Variants in LAPTM5 observed in about 807,000 individuals in gnomAD.
The protein encoded by LAPTM5 is lysosomal-associated transmembrane protein 5.
A neutral mutation model predicts 30.1 loss-of-function variants in LAPTM5; 11 were observed. The ratio of observed to expected loss-of-function variants is 0.37; its 90% CI spans 0.23 to 0.60. LAPTM5 has a LOEUF of 0.60. LAPTM5 is among the 20% of genes least tolerant of loss of function. The pLI, the probability that LAPTM5 is intolerant of heterozygous loss-of-function variation, is 0.71. For synonymous variants in LAPTM5, 151 were observed against 137.9 expected, an observed-to-expected ratio of 1.10 and a Z score of -0.67; for missense variants, 324 against 332.5, an observed-to-expected ratio of 0.97 and a Z score of 0.20.
At position 30,741,730 on chromosome 1, in the gene LAPTM5, A is replaced by G; in HGVS notation, c.182-14T>C. 1 of 1,595,310 alleles carries G rather than the reference A, an allele frequency of 6.3e-7. No homozygotes were observed. Among genetic ancestry groups the G allele is most frequent in the Non-Finnish European group, 8.5e-7 (1 of 1,170,372 alleles). The stretch of plus-strand genomic sequence containing the variant: ...AGATCAGGTCAGCTGAAAGGCAAGG[A>G]GAGCAGGGAGGTGCTCAGGGGTGCC... On this transcript the variant is annotated splice_polypyrimidine_tract_variant and intron_variant, in intron 2 of 7. Coordinates refer to ENST00000294507, the MANE Select transcript of LAPTM5 (RefSeq NM_006762.3).
intron 1 of LAPTM5, among the ~76,000 whole-genome samples, chr1:30,756,803 C>T (rs1056909714): frequency 1.3e-5 from 2 of 152,182 alleles, no homozygotes; most frequent in Non-Finnish European, 2.9e-5. Context: ...CCTGAGTCAC[C>T]CCAGGAGGAA....
chr1:30,739,742 C>T lies in LAPTM5; in HGVS notation c.387+67G>A, dbSNP rs1639940252. ...CCTGAGCACAGGGCCCGTGTCTGGT[C>T]CCCTCCCATCTCCCATGCCAGACCT... On this transcript the variant is annotated intron_variant, in intron 4 of 7. Coordinates refer to ENST00000294507, the MANE Select transcript of LAPTM5 (RefSeq NM_006762.3). The surrounding 1 kb of genome is among the most constrained non-coding windows in gnomAD (Gnocchi z 4.2). The T allele has an allele frequency of 2.7e-6, 4 of 1,494,742 alleles. No homozygotes were observed. In the African/African-American group the frequency reaches 5.7e-5, roughly 21 times the overall value. The allele number at this position is 1,494,742 out of a possible 1,614,324, so 92.6% of individuals were successfully genotyped here.
intron 6 of LAPTM5, among the ~76,000 whole-genome samples, chr1:30,736,400 C>T (rs928523444): frequency 1.4e-4 from 22 of 152,030 alleles, no homozygotes; most frequent in African/African-American, 4.6e-4. Flanking sequence ...TGGTGGAGTG[C>T]TTGTCTTCTT....
At chr1:30,752,416 G>A (rs1326929687) in intron 1 of LAPTM5, among the ~76,000 whole-genome samples, 10 of 152,022 alleles carry the variant, frequency 6.6e-5, no homozygotes, top group Non-Finnish European at 1.3e-4. Context: ...GACACACCTC[G>A]TGGCCACCCC....
intron 1 of LAPTM5, among the ~76,000 whole-genome samples, chr1:30,750,245 G>A (rs1640113251): frequency 6.6e-6 from 1 of 152,040 alleles, no homozygotes; most frequent in African/African-American, 2.4e-5. Context: ...TAGATATCTG[G>A]GGAAGCACCC....
chr1:30,742,183 A>C, intron 2 of LAPTM5: 1 of 524,198 alleles, frequency 1.9e-6, no homozygotes, highest in Non-Finnish European at 3.5e-6. Context: ...GGCTTTAAGC[A>C]GAAGAGTGAG....
intron 7 of LAPTM5, 106 bp downstream of exon 7, chr1:30,735,067 T>G (rs1447788448): frequency 1.3e-6 from 1 of 767,574 alleles, no homozygotes; most frequent in African/African-American, 1.7e-5. Context: ...GTTCCAACCC[T>G]CATCTTACAA....
chr1:30,745,552 GCGGCAGGGGA>G (rs1467365205), intron 1 of LAPTM5, among the ~76,000 whole-genome samples: 1 of 152,088 alleles, frequency 6.6e-6, no homozygotes, highest in Non-Finnish European at 1.5e-5. Context: ...CAACAACCCT[GCGGCAGGGGA>G]CGAGGGAGGA....
chr1:30,751,607 C>T (rs988011316), intron 1 of LAPTM5, among the ~76,000 whole-genome samples: 1 of 152,210 alleles, frequency 6.6e-6, no homozygotes, highest in African/African-American at 2.4e-5. Context: ...GGCATGATGG[C>T]ACACACCTGT....
At chr1:30,748,941 T>C (rs917899423) in intron 1 of LAPTM5, among the ~76,000 whole-genome samples, 2 of 152,232 alleles carry the variant, frequency 1.3e-5, no homozygotes, top group Admixed American at 6.5e-5. Flanking sequence ...GAAGAATCCA[T>C]CCACCTCCTG....
intron 1 of LAPTM5, among the ~76,000 whole-genome samples, chr1:30,743,185 G>A (rs1324078611): frequency 1.3e-5 from 2 of 152,202 alleles, no homozygotes; most frequent in African/African-American, 4.8e-5. Flanking sequence ...TAAAGTACCT[G>A]GCAGATAGTA....
intron 6 of LAPTM5, among the ~76,000 whole-genome samples, chr1:30,736,908 A>T (rs976682925): frequency 6.6e-6 from 1 of 152,178 alleles, no homozygotes; most frequent in African/African-American, 2.4e-5. Context: ...TTCTTCAGGT[A>T]TTAAGAAACA....
At chr1:30,752,511 C>A (rs531383729) in intron 1 of LAPTM5, among the ~76,000 whole-genome samples, 1 of 152,212 alleles carries the variant, frequency 6.6e-6, no homozygotes, top group African/African-American at 2.4e-5. Flanking sequence ...CTACTCCCCC[C>A]GCCCAGCGTG....
intron 1 of LAPTM5, among the ~76,000 whole-genome samples, chr1:30,745,089 A>T (rs2124188493): frequency 6.6e-6 from 1 of 152,230 alleles, no homozygotes; most frequent in South Asian, 2.1e-4. Flanking sequence ...TCCTCCAAGC[A>T]TCCCTTACTG....
At chr1:30,756,264 T>C (rs1397249362) in intron 1 of LAPTM5, among the ~76,000 whole-genome samples, 1 of 152,222 alleles carries the variant, frequency 6.6e-6, no homozygotes, top group African/African-American at 2.4e-5. Context: ...GCTCTTGCAT[T>C]GGCAGGAGCT....
chr1:30,745,230 A>T (rs1196212451), intron 1 of LAPTM5, among the ~76,000 whole-genome samples: 1 of 152,182 alleles, frequency 6.6e-6, no homozygotes, highest in Non-Finnish European at 1.5e-5. Flanking sequence ...TTCACAGACG[A>T]AGAAAGTGCA....
At chr1:30,738,553 A>G (rs1639922261) in intron 5 of LAPTM5, among the ~76,000 whole-genome samples, 1 of 152,166 alleles carries the variant, frequency 6.6e-6, no homozygotes, top group South Asian at 2.1e-4. Flanking sequence ...CAAGCTCCTG[A>G]TCCTCAGAAG....
chr1:30,754,047 T>C (rs1424287384), intron 1 of LAPTM5, among the ~76,000 whole-genome samples: 1 of 152,242 alleles, frequency 6.6e-6, no homozygotes, highest in Non-Finnish European at 1.5e-5. Flanking sequence ...GTTGAAATCA[T>C]AGCAGGTGTT....
chr1:30,733,921 G>C lies in LAPTM5; in HGVS notation c.700-4C>G. On this transcript the variant is annotated splice_polypyrimidine_tract_variant and splice_region_variant and intron_variant, in intron 7 of 7. Coordinates refer to ENST00000294507, the MANE Select transcript of LAPTM5 (RefSeq NM_006762.3). ...CCTCGTAGGACGGCAGGACCACCTGGGAGAGACAGAGAGATGAGGGCTGAG... is the reference window on the plus strand; with the variant it reads ...CCTCGTAGGACGGCAGGACCACCTGCGAGAGACAGAGAGATGAGGGCTGAG... The C allele has an allele frequency of 6.2e-7, 1 of 1,610,470 alleles. No individual in the cohort carries two copies. Among genetic ancestry groups the C allele is most frequent in the Non-Finnish European group, 8.5e-7 (1 of 1,179,200 alleles).
Sources: allele counts gnomAD v4.1 joint callset (sites outside exome capture counted in the v4.1 genomes callset), GRCh38; gene constraint gnomAD v4.1.1; non-coding constraint Gnocchi (gnomAD v3.1); transcripts MANE v1.5; gene names NCBI Gene and HGNC (gene_info 2026-07-23, HGNC 2026-07-21).